The following SCD variants were observed in gnomAD, a reference collection of about 807,000 sequenced individuals.
SCD encodes the protein stearoyl-CoA desaturase.
In SCD, 4 loss-of-function variants were observed where a neutral mutation model predicts 35.7. The ratio of observed to expected loss-of-function variants is 0.11; its 90% CI spans 0.06 to 0.26. SCD has a LOEUF of 0.26. SCD is among the 10% of genes least tolerant of loss of function. SCD has a pLI of 1.00. For missense variants in SCD, 282 were observed against 460.7 expected (o/e 0.61, Z 3.55); for synonymous variants, 150 against 170.2 (o/e 0.88, Z 0.92).
rs1255362632 is a variant in SCD, at chr10:100,347,430, A to T, written c.-75A>T. On this transcript the variant is annotated 5_prime_UTR_variant, in exon 1 of 6. Transcript: ENST00000370355. The stretch of plus-strand genomic sequence containing the variant: ...GCGTACCGGCGGGCTTCGAAACCGC[A>T]GTCCTCCGGCGACCCCGAACTCCGC... 7.2e-6 allele frequency: 11 copies of T among 1,519,552 alleles called. No homozygotes were observed. Among genetic ancestry groups the T allele is most frequent in the Non-Finnish European group, 9.9e-6 (11 of 1,113,134 alleles). 94.1% of individuals were successfully genotyped at this position (1,519,552 alleles called of 1,614,324 possible).
At chr10:100,355,568 T>TA (rs1849919549) in intron 4 of SCD, among the ~76,000 whole-genome samples, 1 of 152,190 alleles carries the variant, frequency 6.6e-6, no homozygotes, top group South Asian at 2.1e-4. Context: ...GTGGCATAGT[T>TA]ACGGACGTGC....
At chr10:100,360,245 G>A (rs772031171) in intron 5 of SCD, among the ~76,000 whole-genome samples, 7 of 152,222 alleles carry the variant, frequency 4.6e-5, no homozygotes, top group Non-Finnish European at 7.3e-5. Flanking sequence ...CTGCAAGGAC[G>A]TGCACATGCA....
rs1849806106 is a variant in SCD at position 100,347,347 on chromosome 10, T to C, written c.-158T>C. 1.3e-6 allele frequency: 1 copy of C among 796,698 alleles called. No homozygotes were observed. The allele number at this position is 796,698 out of a possible 1,614,324, so 49.4% of individuals were successfully genotyped here. ...CCTTTAAATTCCCGGCTCGGGGACC[T>C]CCACGCACCGCGGCTAGCGCCGACA... On this transcript the variant is annotated 5_prime_UTR_variant, in exon 1 of 6. Coordinates refer to ENST00000370355, the MANE Select transcript of SCD (RefSeq NM_005063.5).
Position 100,361,029 on chromosome 10 carries a change from AGAT to A in SCD, c.*104_*106del, listed in dbSNP as rs1849985123. ...CTGAATAATGCTACCAGGATGCTAA[AGAT>A]GATGATGTTAACCCATTCCAGTACA... is the stretch of plus-strand genomic sequence containing the variant. On this transcript the variant is annotated 3_prime_UTR_variant, in exon 6 of 6. Coordinates refer to ENST00000370355, the MANE Select transcript of SCD (RefSeq NM_005063.5). The A allele has an allele frequency of 3.8e-6, 4 of 1,062,314 alleles. No individual in the cohort carries two copies. Among genetic ancestry groups the A allele is most frequent in the Admixed American group, 2.3e-5 (1 of 43,942 alleles). 65.8% of individuals were successfully genotyped at this position (1,062,314 alleles called of 1,614,324 possible).
chr10:100,354,560 C>G lies in SCD; in HGVS notation c.575C>G (p.Ala192Gly). 1.2e-6 allele frequency: 2 copies of G among 1,614,178 alleles called. No homozygotes were observed. The highest frequency in any genetic ancestry group is 1.7e-6 in the Non-Finnish European group (2 of 1,180,014). The change falls in exon 4 of 6, where the codon GCT becomes GGT. Residue 192 changes from alanine (A) to glycine (G), a missense_variant. Physicochemically the swap from Ala to Gly is moderately conservative, Grantham distance 60. This residue lies in a region of SCD where 205 missense variants were observed against 372.3 expected (regional missense o/e 0.55). Coordinates refer to ENST00000370355, the MANE Select transcript of SCD (RefSeq NM_005063.5). ...TGGCTGCTTGTGCGCAAACACCCAG[C>G]TGTCAAAGAGAAGGGGAGTACGCTA... The part of the protein sequence containing the change: ...VGWLLVRKHP[A>G]VKEKGSTLDL...
intron 3 of SCD, among the ~76,000 whole-genome samples, chr10:100,353,278 T>C (rs372513933): frequency 4.6e-5 from 7 of 152,214 alleles, no homozygotes; most frequent in Admixed American, 1.3e-4. Flanking sequence ...AAGTAAAACA[T>C]TGAGGTTTGT....
At chr10:100,354,295 T>C in intron 3 of SCD, 132 bp from the exon 4 acceptor site, 1 of 791,422 alleles carries the variant, frequency 1.3e-6, no homozygotes, top group Non-Finnish European at 2.1e-6. Flanking sequence ...CCATGACTCC[T>C]TTGGAGCCCA....
chr10:100,355,399 C>T (rs905653357), intron 4 of SCD, among the ~76,000 whole-genome samples: 1 of 152,106 alleles, frequency 6.6e-6, no homozygotes, highest in African/African-American at 2.4e-5. Flanking sequence ...AGCTAAAACA[C>T]GAAGCATGTT....
chr10:100,353,023 C>A, intron 3 of SCD, among the ~76,000 whole-genome samples: 1 of 152,066 alleles, frequency 6.6e-6, no homozygotes, highest in African/African-American at 2.4e-5. Context: ...AGGACTCCAC[C>A]ACAGTGGGAT....
rs1849820430 is a variant in SCD at position 100,347,997 on chromosome 10, G to A, written c.28-67G>A. The A allele has an allele frequency of 3.4e-6, 5 of 1,491,346 alleles. No individual in the cohort carries two copies. The Admixed American group carries it at 7.2e-5, about 21-fold the overall frequency. The allele number at this position is 1,491,346 out of a possible 1,614,324, so 92.4% of individuals were successfully genotyped here. ...CCACCCTTCCCCCAGCGTGATTAGA[G>A]AGCGGAGTGGCCCCAGCTGCCTCCA... On this transcript the variant is annotated intron_variant, in intron 1 of 5. Transcript: ENST00000370355.
intron 1 of SCD, 72 bp from the exon 2 acceptor site, chr10:100,347,992 T>G (rs145271308): frequency 6.9e-7 from 1 of 1,459,616 alleles, no homozygotes; most frequent in African/African-American, 1.4e-5. Flanking sequence ...CCCAGCGTGA[T>G]TAGAGAGCGG....
intron 4 of SCD, among the ~76,000 whole-genome samples, chr10:100,355,246 G>A (rs922067701): frequency 7.9e-5 from 12 of 152,216 alleles, no homozygotes; most frequent in Admixed American, 7.9e-4. Context: ...TCTGTACTAT[G>A]AGAGGTACAA....
intron 5 of SCD, among the ~76,000 whole-genome samples, chr10:100,358,201 A>G (rs1464723915): frequency 1.3e-5 from 2 of 152,154 alleles, no homozygotes; most frequent in East Asian, 3.9e-4. Context: ...TGGTTTTGCC[A>G]TGTTGCACAG....
intron 1 of SCD, among the ~76,000 whole-genome samples, chr10:100,347,801 A>G (rs1012076537): frequency 2.6e-5 from 4 of 151,996 alleles, no homozygotes; most frequent in African/African-American, 9.7e-5. Context: ...TGGGGATGTG[A>G]GTGCTTTACT....
rs761259619 is a variant in SCD at position 100,352,461 on chromosome 10, C to T, written c.406C>T (p.Leu136Phe). Residue 136 changes from leucine to phenylalanine, a missense_variant, in exon 3 of 6, where the codon CTC (leucine) becomes TTC (phenylalanine). Leu to Phe is a conservative substitution (Grantham distance 22). Transcript: ENST00000370355. This position sits in a 1 kb window ranked among gnomAD's most constrained non-coding sequence, Gnocchi z 4.2. ...RSYKARLPLR[L>F]FLIIANTMAF... ...TTACAAAGCTCGGCTGCCCCTACGG[C>T]TCTTTCTGATCATTGCCAACACAAT... 4.3e-6 allele frequency: 7 copies of T among 1,613,998 alleles called. No homozygotes were observed. The highest frequency in any genetic ancestry group is 5.9e-6 in the Non-Finnish European group (7 of 1,180,040).
rs1377320880 is a variant in SCD at position 100,347,454 on chromosome 10, G to T, written c.-51G>T. ...CAGTCCTCCGGCGACCCCGAACTCCGCTCCGGAGCCTCAGCCCCCTGGAAA... is the reference window on the plus strand; with the variant it reads ...CAGTCCTCCGGCGACCCCGAACTCCTCTCCGGAGCCTCAGCCCCCTGGAAA... On this transcript the variant is annotated 5_prime_UTR_variant, in exon 1 of 6. Transcript: ENST00000370355. 2.5e-6 allele frequency: 4 copies of T among 1,605,896 alleles called. No homozygotes were observed. The African/African-American group carries it at 4.0e-5, about 16-fold the overall frequency.
chr10:100,362,166 A>G lies in SCD; in HGVS notation c.*1233A>G, dbSNP rs201997986. On this transcript the variant is annotated 3_prime_UTR_variant, in exon 6 of 6. Coordinates refer to ENST00000370355, the MANE Select transcript of SCD (RefSeq NM_005063.5). Reference sequence around the variant, plus strand: ...GGACATGAGATGGAGAGGCTGAGGGACAGGATCTATAGGCAGCTTCTAAGA... The same window carrying G: ...GGACATGAGATGGAGAGGCTGAGGGGCAGGATCTATAGGCAGCTTCTAAGA... 3.3e-4 allele frequency: 51 copies of G among 152,330 alleles called. No individual in the cohort carries two copies. Among genetic ancestry groups the G allele is most frequent in the African/African-American group, 1.2e-3 (51 of 41,566 alleles). The allele number at this position is 152,330 out of a possible 1,614,324, so 9.4% of individuals were successfully genotyped here.
At chr10:100,355,323 A>G (rs1219699609) in intron 4 of SCD, among the ~76,000 whole-genome samples, 1 of 152,238 alleles carries the variant, frequency 6.6e-6, no homozygotes, top group Admixed American at 6.5e-5. Context: ...GTTGGAATCC[A>G]CCAACGGATA....
Position 100,364,025 on chromosome 10 carries a change from G to A in SCD, c.*3092G>A, listed in dbSNP as rs1248756661. 2.0e-5 allele frequency: 3 copies of A among 152,354 alleles called. No homozygotes were observed. The highest frequency in any genetic ancestry group is 7.2e-5 in the African/African-American group (3 of 41,388). The allele number at this position is 152,354 out of a possible 1,614,324, so 9.4% of individuals were successfully genotyped here. ...CACGATTTGCAGGATTCCCTTCTGG[G>A]CTTCATTCTGGAAACTTTTGTTAGG... On this transcript the variant is annotated 3_prime_UTR_variant, in exon 6 of 6. Coordinates refer to ENST00000370355, the MANE Select transcript of SCD (RefSeq NM_005063.5).
Sources: gnomAD v4.1 joint callset for allele counts (sites outside exome capture counted in the v4.1 genomes callset) on GRCh38, gnomAD v4.1.1 for gene constraint, gnomAD v4.1.1 regional missense constraint, Gnocchi (gnomAD v3.1) non-coding constraint, MANE v1.5 for transcripts, NCBI Gene and HGNC (gene_info 2026-07-23, HGNC 2026-07-21) for gene names.